OLFM2: variants seen among roughly 807,000 people sequenced by gnomAD.
The protein encoded by OLFM2 is olfactomedin 2.
Under a neutral mutation model 43.9 loss-of-function variants are expected in OLFM2, and 20 were observed. That is an observed-to-expected ratio of 0.46 (90% confidence interval 0.32 to 0.66). The LOEUF is 0.66. Among genes scored for constraint, OLFM2 ranks in the 30% least tolerant of loss-of-function variants. OLFM2 has a pLI of 0.04. For missense variants in OLFM2, 416 were observed against 643.6 expected, an observed-to-expected ratio of 0.65 and a Z score of 3.83; for synonymous variants, 268 against 278.6, an observed-to-expected ratio of 0.96 and a Z score of 0.38.
In OLFM2 at chr19:9,854,889, G is replaced by C. The variant is rs1368097069; in HGVS notation, c.688-26C>G. The C allele has an allele frequency of 6.5e-7, 1 of 1,528,654 alleles. No homozygotes were observed. Among genetic ancestry groups the C allele is most frequent in the South Asian group, 1.2e-5 (1 of 80,142 alleles). 94.7% of individuals were successfully genotyped at this position (1,528,654 alleles called of 1,614,324 possible). On this transcript the variant is annotated intron_variant, in intron 5 of 5. Coordinates refer to ENST00000264833, the MANE Select transcript of OLFM2 (RefSeq NM_058164.4). This position sits in a 1 kb window ranked among gnomAD's most constrained non-coding sequence, Gnocchi z 9.5. ...CTATGGTAGCAGCCGCTGGTCACTG[G>C]GGGGAACCACCACCAACGACCCAAG...
chr19:9,860,527 G>T, intron 2 of OLFM2, 118 bp downstream of exon 2: 1 of 1,102,748 alleles, frequency 9.1e-7, no homozygotes, highest in Non-Finnish European at 1.3e-6. Context: ...TTATCAGCCA[G>T]CTCTGAATAA....
intron 1 of OLFM2, among the ~76,000 whole-genome samples, chr19:9,923,962 TG>T (rs1348526957): frequency 2.0e-5 from 3 of 151,340 alleles, no homozygotes; most frequent in Non-Finnish European, 4.4e-5. Context: ...TAGCCGGGCT[TG>T]GTGGTGTGTG....
At chr19:9,889,907 T>G (rs556446971) in intron 1 of OLFM2, among the ~76,000 whole-genome samples, 6 of 144,144 alleles carry the variant, frequency 4.2e-5, no homozygotes, top group African/African-American at 1.5e-4. Context: ...CGAATCCTGG[T>G]TCATAAATTC....
chr19:9,873,809 T>C (rs2046462953), intron 1 of OLFM2, among the ~76,000 whole-genome samples: 1 of 122,914 alleles, frequency 8.1e-6, no homozygotes, highest in African/African-American at 3.2e-5. Flanking sequence ...TTTTTTTTTT[T>C]TTTTTTTTTT....
At chr19:9,928,226 C>A (rs951550574) in intron 1 of OLFM2, among the ~76,000 whole-genome samples, 18 of 148,094 alleles carry the variant, frequency 1.2e-4, no homozygotes, top group Middle Eastern at 3.4e-3. Context: ...AAAAAAAAAA[C>A]AAAATAAAAT....
At chr19:9,906,266 T>C (rs986605780) in intron 1 of OLFM2, among the ~76,000 whole-genome samples, 1 of 151,956 alleles carries the variant, frequency 6.6e-6, no homozygotes, top group African/African-American at 2.4e-5. Context: ...ATCCACTCAT[T>C]GGCTGGTTCC....
intron 1 of OLFM2, among the ~76,000 whole-genome samples, chr19:9,869,947 A>C (rs1290641362): frequency 6.6e-6 from 1 of 152,054 alleles, no homozygotes; most frequent in Non-Finnish European, 1.5e-5. Context: ...TTGTAGAGAC[A>C]GGATCTTACT....
rs749536448 is a variant in OLFM2, at chr19:9,857,700, C to A, written c.360+15G>T. The A allele has an allele frequency of 3.1e-6, 5 of 1,614,160 alleles. No homozygotes were observed. In the Admixed American group the frequency reaches 5.0e-5, roughly 16 times the overall value. Reference sequence around the variant, plus strand: ...TCATTTGTTTGACCTCTGGTCTGGACACAGGAGGACCCACCTGGAAGCTCT... The same window carrying A: ...TCATTTGTTTGACCTCTGGTCTGGAAACAGGAGGACCCACCTGGAAGCTCT... On this transcript the variant is annotated intron_variant, in intron 3 of 5. Transcript: ENST00000264833. This position sits in a 1 kb window ranked among gnomAD's most constrained non-coding sequence, Gnocchi z 5.7.
intron 1 of OLFM2, among the ~76,000 whole-genome samples, chr19:9,867,790 A>G (rs4804467): frequency 0.97 from 148,251 of 152,304 alleles, 72,436 homozygotes; most frequent in Middle Eastern, 1. Context: ...AATTCAGCCC[A>G]TGGAAACTTT....
At chr19:9,869,853 A>G (rs1379460708) in intron 1 of OLFM2, among the ~76,000 whole-genome samples, 1 of 152,156 alleles carries the variant, frequency 6.6e-6, no homozygotes, top group Non-Finnish European at 1.5e-5. Flanking sequence ...TCGTGGCCTC[A>G]GACAGTTCCT....
intron 1 of OLFM2, among the ~76,000 whole-genome samples, chr19:9,902,862 G>A (rs189931279): frequency 6.7e-6 from 1 of 149,964 alleles, no homozygotes; most frequent in African/African-American, 2.5e-5. Context: ...TTTTGCTGTA[G>A]AGACAGGATC....
At position 9,860,681 on chromosome 19, in the gene OLFM2, A is replaced by T. The variant is rs1441902069; in HGVS notation, c.177T>A (p.Asp59Glu). The change falls in exon 2 of 6, where the codon GAT (aspartate) becomes GAA (glutamate). Residue 59 changes from aspartate (D) to glutamate (E), a missense_variant. Physicochemically the swap from Asp to Glu is conservative, Grantham distance 45. Coordinates refer to ENST00000264833, the MANE Select transcript of OLFM2 (RefSeq NM_058164.4). The stretch of plus-strand genomic sequence containing the variant: ...GTTGCCGCAGCTCCCGACTCCTGCC[A>T]TCTCGAGAGCAGGTACTCTGCGCTG... ...VIPAQSTCSR[D>E]GRSRELRQLM... The T allele has an allele frequency of 1.3e-6, 2 of 1,598,866 alleles. No homozygotes were observed. The highest frequency in any genetic ancestry group is 2.3e-5 in the South Asian group (2 of 88,532).
At chr19:9,934,906 G>C (rs1441873420) in intron 1 of OLFM2, among the ~76,000 whole-genome samples, 1 of 152,176 alleles carries the variant, frequency 6.6e-6, no homozygotes, top group Admixed American at 6.5e-5. Context: ...TTCTTGATAA[G>C]GGGAAGGTGC....
At chr19:9,917,996 A>G (rs2144999535) in intron 1 of OLFM2, among the ~76,000 whole-genome samples, 1 of 152,092 alleles carries the variant, frequency 6.6e-6, no homozygotes, top group South Asian at 2.1e-4. Flanking sequence ...CTCGTGCCTC[A>G]GCCTCCCAAG....
At chr19:9,933,552 C>CT (rs34411076) in intron 1 of OLFM2, among the ~76,000 whole-genome samples, 1,280 of 79,010 alleles carry the variant, frequency 0.016, 26 homozygotes, top group East Asian at 0.069. Context: ...TCACTCTAAT[C>CT]TTTTTTTTTT....
At chr19:9,868,356 C>G (rs1430861830) in intron 1 of OLFM2, among the ~76,000 whole-genome samples, 1 of 152,146 alleles carries the variant, frequency 6.6e-6, no homozygotes, top group African/African-American at 2.4e-5. Context: ...GCCACCACGC[C>G]TGGCCCAGGC....
intron 1 of OLFM2, among the ~76,000 whole-genome samples, chr19:9,890,828 CTTA>C (rs1156230719): frequency 6.6e-6 from 1 of 152,130 alleles, no homozygotes; most frequent in Non-Finnish European, 1.5e-5. Flanking sequence ...GAGGTGCACA[CTTA>C]TATTCCCAGC....
At chr19:9,903,325 G>A (rs1450493536) in intron 1 of OLFM2, among the ~76,000 whole-genome samples, 1 of 151,964 alleles carries the variant, frequency 6.6e-6, no homozygotes, top group Non-Finnish European at 1.5e-5. Flanking sequence ...AACACCCATG[G>A]CCCTCTGTGT....
chr19:9,920,349 C>T (rs1599501198), intron 1 of OLFM2, among the ~76,000 whole-genome samples: 1 of 152,258 alleles, frequency 6.6e-6, no homozygotes, highest in East Asian at 1.9e-4. Flanking sequence ...ACTGTACTAA[C>T]ACAAGAATAG....
Sources: allele counts gnomAD v4.1 joint callset (sites outside exome capture counted in the v4.1 genomes callset), GRCh38; gene constraint gnomAD v4.1.1; non-coding constraint Gnocchi (gnomAD v3.1); transcripts MANE v1.5; gene names NCBI Gene and HGNC (gene_info 2026-07-23, HGNC 2026-07-21).